Variants in ARHGEF38 observed in about 807,000 individuals in gnomAD.
ARHGEF38 encodes the protein Rho guanine nucleotide exchange factor (GEF) 38.
A neutral mutation model predicts 79.9 loss-of-function variants in ARHGEF38; 79 were observed. That is an observed-to-expected ratio of 0.99 (90% confidence interval 0.82 to 1.19). The LOEUF (loss-of-function observed/expected upper bound fraction) is 1.19, where lower values mean the gene tolerates loss of function less well. Among genes scored for constraint, ARHGEF38 ranks in the 50% most tolerant of loss-of-function variants. ARHGEF38 has a pLI of 0.00. For missense variants in ARHGEF38, 962 were observed against 907.2 expected (o/e 1.06, Z -0.78); for synonymous variants, 366 against 328.3 (o/e 1.11, Z -1.24).
intron 2 of ARHGEF38, among the ~76,000 whole-genome samples, chr4:105,602,736 A>G (rs1262519391): frequency 6.6e-6 from 1 of 151,994 alleles, no homozygotes; most frequent in Non-Finnish European, 1.5e-5. Context: ...CAAAATCCAA[A>G]CTCGGCTGAG....
In ARHGEF38 at chr4:105,675,327, G is replaced by A. The variant is rs561935671; in HGVS notation, c.2149-2425G>A. ...AGACATAACTCATAAGGTTGTTGAGGACAAAGCACATTTAACATATAACTG... is the reference window on the plus strand; with the variant it reads ...AGACATAACTCATAAGGTTGTTGAGAACAAAGCACATTTAACATATAACTG... On this transcript the variant is annotated intron_variant, in intron 13 of 13. Transcript: ENST00000420470. 1.1e-4 allele frequency among the ~76,000 whole-genome samples: 16 copies of A among 152,236 alleles called. No homozygotes were observed. The South Asian group carries it at 3.3e-3, about 32-fold the overall frequency.
Position 105,571,897 on chromosome 4 carries a change from C to T in ARHGEF38, c.197-17351C>T, listed in dbSNP as rs535387533. Among the ~76,000 whole-genome samples the T allele has an allele frequency of 2.0e-3, 310 of 152,276 alleles. 3 individuals are homozygous for T. The highest frequency in any genetic ancestry group is 7.2e-3 in the African/African-American group (298 of 41,574). ...TTGCCAGGAAATTTGATGCAGCATA[C>T]ATATGGTGCCTGATAGAAAGAAGCC... On this transcript the variant is annotated intron_variant, in intron 1 of 13. Coordinates refer to ENST00000420470, the MANE Select transcript of ARHGEF38 (RefSeq NM_001242729.2).
intron 3 of ARHGEF38, among the ~76,000 whole-genome samples, chr4:105,628,477 T>C (rs868041534): frequency 1.3e-5 from 2 of 152,232 alleles, no homozygotes; most frequent in Non-Finnish European, 2.9e-5. Flanking sequence ...GGTTCTATTT[T>C]GTTTTCTTTC....
chr4:105,568,607 T>C (rs1726057878), intron 1 of ARHGEF38, among the ~76,000 whole-genome samples: 1 of 152,228 alleles, frequency 6.6e-6, no homozygotes, highest in East Asian at 1.9e-4. Flanking sequence ...ATTCTTTGAT[T>C]TGTATGTAAT....
intron 6 of ARHGEF38, among the ~76,000 whole-genome samples, chr4:105,648,064 A>G (rs1025866455): frequency 1.3e-5 from 2 of 151,682 alleles, no homozygotes; most frequent in African/African-American, 4.8e-5. Context: ...TAATTTTTGT[A>G]TTTTTAGTAG....
chr4:105,672,646 A>G (rs574634004), intron 13 of ARHGEF38, among the ~76,000 whole-genome samples: 2 of 152,284 alleles, frequency 1.3e-5, no homozygotes, highest in East Asian at 1.9e-4. Context: ...CAATACAAAC[A>G]TATTTCTCAG....
intron 2 of ARHGEF38, among the ~76,000 whole-genome samples, chr4:105,592,603 G>A (rs750209427): frequency 7.2e-5 from 11 of 151,820 alleles, no homozygotes; most frequent in African/African-American, 9.7e-5. Context: ...TCAATTTTTC[G>A]TCTACTTCAC....
intron 3 of ARHGEF38, 77 bp from the exon 4 acceptor site, chr4:105,630,821 G>A (rs565780087): frequency 1.1e-5 from 14 of 1,329,954 alleles, no homozygotes; most frequent in Middle Eastern, 2.0e-4. Flanking sequence ...GACACGAGTC[G>A]ACATTGTTGA....
chr4:105,566,984 C>A (rs1371299579), intron 1 of ARHGEF38, among the ~76,000 whole-genome samples: 1 of 152,186 alleles, frequency 6.6e-6, no homozygotes, highest in East Asian at 1.9e-4. Flanking sequence ...AACTCCTGAT[C>A]TTAGGTGATC....
At chr4:105,578,652 A>G (rs1233379959) in intron 1 of ARHGEF38, among the ~76,000 whole-genome samples, 1 of 152,116 alleles carries the variant, frequency 6.6e-6, no homozygotes, top group African/African-American at 2.4e-5. Flanking sequence ...TTATCCTTTT[A>G]TCATTATAAA....
Position 105,573,249 on chromosome 4 carries a change from C to A in ARHGEF38, c.197-15999C>A, listed in dbSNP as rs116837897. ...AACTTTAAAATTTTCATAAGTCCAA[C>A]TTTTCTGTTTCTTCAGAAAAGAAGA... On this transcript the variant is annotated intron_variant, in intron 1 of 13. Transcript: ENST00000420470. Among the ~76,000 whole-genome samples the A allele has an allele frequency of 8.6e-3, 1,306 of 152,226 alleles. 19 individuals are homozygous for A. Among genetic ancestry groups the A allele is most frequent in the African/African-American group, 0.03 (1,233 of 41,552 alleles).
intron 2 of ARHGEF38, among the ~76,000 whole-genome samples, chr4:105,605,630 T>C (rs1370708109): frequency 1.3e-5 from 2 of 152,132 alleles, no homozygotes; most frequent in Non-Finnish European, 2.9e-5. Flanking sequence ...TCAAATCCAG[T>C]TTCACAGCAG....
At chr4:105,604,696 G>T (rs1727965856) in intron 2 of ARHGEF38, among the ~76,000 whole-genome samples, 1 of 151,984 alleles carries the variant, frequency 6.6e-6, no homozygotes, top group Non-Finnish European at 1.5e-5. Flanking sequence ...TATGAGTATT[G>T]CTATAAGCTC....
chr4:105,634,598 T>C (rs1446332365), intron 4 of ARHGEF38, among the ~76,000 whole-genome samples: 3 of 152,132 alleles, frequency 2.0e-5, no homozygotes, highest in Non-Finnish European at 4.4e-5. Context: ...ATAATTAGAA[T>C]AGCCTGTCTG....
chr4:105,642,260 C>A (rs981739089), intron 5 of ARHGEF38, among the ~76,000 whole-genome samples: 14 of 152,152 alleles, frequency 9.2e-5, no homozygotes, highest in African/African-American at 2.7e-4. Context: ...TTCTGAATAT[C>A]ATTGCTCATC....
chr4:105,669,181 CAT>C (rs1486642011), intron 13 of ARHGEF38, among the ~76,000 whole-genome samples: 5 of 152,118 alleles, frequency 3.3e-5, no homozygotes, highest in Non-Finnish European at 7.4e-5. Context: ...CAGTGGGAAA[CAT>C]AGCATGTATG....
At chr4:105,585,366 G>A (rs2110447935) in intron 1 of ARHGEF38, among the ~76,000 whole-genome samples, 1 of 152,308 alleles carries the variant, frequency 6.6e-6, no homozygotes, top group South Asian at 2.1e-4. Context: ...TCACAGCTGA[G>A]TGGCAGAGCT....
chr4:105,656,395 A>T (rs2110558904), intron 9 of ARHGEF38, among the ~76,000 whole-genome samples: 1 of 152,340 alleles, frequency 6.6e-6, no homozygotes, highest in South Asian at 2.1e-4. Flanking sequence ...CATGCTATAT[A>T]CTGGAAGGCA....
chr4:105,670,229 C>T (rs2110581880), intron 13 of ARHGEF38, among the ~76,000 whole-genome samples: 1 of 152,234 alleles, frequency 6.6e-6, no homozygotes, highest in South Asian at 2.1e-4. Context: ...AGTGGGCGCA[C>T]CATTTTAGAT....
Sources: gnomAD v4.1 joint callset for allele counts (sites outside exome capture counted in the v4.1 genomes callset) on GRCh38, gnomAD v4.1.1 for gene constraint, MANE v1.5 for transcripts, NCBI Gene and HGNC (gene_info 2026-07-23, HGNC 2026-07-21) for gene names.